Variants in EFR3B observed in about 807,000 individuals in gnomAD.
EFR3B encodes EFR3 homolog B.
In EFR3B, 64 loss-of-function variants were observed where a neutral mutation model predicts 104.7. The observed-to-expected ratio is 0.61, with a 90% CI of 0.50 to 0.75. The LOEUF is 0.75. Among genes scored for constraint, EFR3B ranks in the 30% least tolerant of loss-of-function variants. The probability of loss-of-function intolerance (pLI) is 0.00; values close to 1 mark genes in which losing one functional copy is unlikely to be tolerated. For synonymous variants in EFR3B, 385 were observed against 417.9 expected (o/e 0.92, Z 0.96); for missense variants, 750 against 1,078.5 (o/e 0.70, Z 4.27).
At chr2:25,059,573 G>GGGC (rs1668123690) in intron 1 of EFR3B, among the ~76,000 whole-genome samples, 2 of 54,468 alleles carry the variant, frequency 3.7e-5, no homozygotes, top group African/African-American at 1.5e-4. Flanking sequence ...CAGGGACTGC[G>GGGC]GGGGGGGGGG....
intron 3 of EFR3B, among the ~76,000 whole-genome samples, chr2:25,095,548 T>C (rs996022966): frequency 2.0e-5 from 3 of 151,956 alleles, no homozygotes; most frequent in Admixed American, 1.3e-4. Context: ...ATACAAAAAT[T>C]AGCTGGGTGT....
chr2:25,083,599 G>A (rs1286430313), intron 1 of EFR3B, among the ~76,000 whole-genome samples: 1 of 152,112 alleles, frequency 6.6e-6, no homozygotes, highest in African/African-American at 2.4e-5. Context: ...AGCTGCTTTG[G>A]GACCCAGAAG....
chr2:25,128,443 CATGGCTTTGTGGCT>C, intron 6 of EFR3B, 111 bp downstream of exon 6: 3 of 1,400,486 alleles, frequency 2.1e-6, no homozygotes, highest in Non-Finnish European at 2.9e-6. Flanking sequence ...AGGCCAGGGA[CATGGCTTTGTGGCT>C]TGTTCTGCAG....
chr2:25,118,045 T>C (rs1455833399), intron 4 of EFR3B, among the ~76,000 whole-genome samples: 1 of 152,228 alleles, frequency 6.6e-6, no homozygotes, highest in Admixed American at 6.5e-5. Flanking sequence ...AGTGGTGTGA[T>C]CTTGGCTTAC....
chr2:25,056,158 A>G (rs1668015772), intron 1 of EFR3B, among the ~76,000 whole-genome samples: 1 of 152,228 alleles, frequency 6.6e-6, no homozygotes, highest in Non-Finnish European at 1.5e-5. Flanking sequence ...TTGTCATCTC[A>G]GCGTGTCTTT....
Position 25,135,457 on chromosome 2 carries a change from T to C in EFR3B, c.1312-10T>C. The stretch of plus-strand genomic sequence containing the variant: ...ATTCCTAGGCATAGCTGTCCATACC[T>C]CCCTTGCAGGTATCCACAGGTTTCC... On this transcript the variant is annotated splice_polypyrimidine_tract_variant and intron_variant, in intron 12 of 22. Coordinates refer to ENST00000403714, the MANE Select transcript of EFR3B (RefSeq NM_014971.2). 6.4e-7 allele frequency: 1 copy of C among 1,551,584 alleles called. No individual in the cohort carries two copies. Among genetic ancestry groups the C allele is most frequent in the Non-Finnish European group, 8.7e-7 (1 of 1,146,926 alleles).
rs1451661077 is a variant in EFR3B, at chr2:25,090,856, C to T, written c.8-469C>T. ...GCAGATAGGGAATAACACCTGCCCC[C>T]GAAACCTGTATCCATCTTCCCAGGA... On this transcript the variant is annotated intron_variant, in intron 1 of 22. Transcript: ENST00000403714. 3.9e-5 allele frequency among the ~76,000 whole-genome samples: 6 copies of T among 152,176 alleles called. No individual in the cohort carries two copies. In the East Asian group the frequency reaches 9.6e-4, roughly 24 times the overall value.
At chr2:25,108,977 G>A (rs914695508) in intron 4 of EFR3B, among the ~76,000 whole-genome samples, 6 of 152,046 alleles carry the variant, frequency 3.9e-5, no homozygotes, top group Admixed American at 2.0e-4. Context: ...CTGCACTCCA[G>A]CCTGGATGAC....
At chr2:25,058,029 G>A (rs1281340395) in intron 1 of EFR3B, 10 of 152,136 alleles carry the variant, frequency 6.6e-5, no homozygotes, top group Admixed American at 6.5e-4. Context: ...AAAAAGATAT[G>A]TAGCTGGCAT....
intron 4 of EFR3B, among the ~76,000 whole-genome samples, chr2:25,113,667 CAA>C (rs199750318): frequency 6.0e-5 from 6 of 100,456 alleles, no homozygotes; most frequent in Non-Finnish European, 1.1e-4. Context: ...GACTCTGTCT[CAA>C]AAAAAAAAAA....
chr2:25,096,933 T>A (rs1306453117), intron 3 of EFR3B, among the ~76,000 whole-genome samples: 2 of 152,176 alleles, frequency 1.3e-5, no homozygotes, highest in Non-Finnish European at 2.9e-5. Context: ...TAAAATGAGG[T>A]TACATCCTGA....
intron 1 of EFR3B, among the ~76,000 whole-genome samples, chr2:25,082,992 G>A (rs1264130135): frequency 6.6e-6 from 1 of 152,176 alleles, no homozygotes; most frequent in African/African-American, 2.4e-5. Context: ...GGCAAAATGA[G>A]CCATCGAGGG....
At chr2:25,126,063 A>G (rs1189945227) in intron 5 of EFR3B, among the ~76,000 whole-genome samples, 1 of 152,264 alleles carries the variant, frequency 6.6e-6, no homozygotes, top group East Asian at 1.9e-4. Context: ...TCATAAAATT[A>G]GAACAGATGT....
At chr2:25,065,042 T>C (rs1668294381) in intron 1 of EFR3B, among the ~76,000 whole-genome samples, 1 of 151,856 alleles carries the variant, frequency 6.6e-6, no homozygotes, top group Non-Finnish European at 1.5e-5. Flanking sequence ...CTGCTGGTGT[T>C]AGAAGCAGCC....
At chr2:25,120,938 A>T (rs750974738) in intron 4 of EFR3B, among the ~76,000 whole-genome samples, 1 of 152,068 alleles carries the variant, frequency 6.6e-6, no homozygotes. Flanking sequence ...GTCTCGCTCT[A>T]TCGCCCAGGC....
At chr2:25,122,302 CCAGA>C (rs1342792019) in intron 5 of EFR3B, among the ~76,000 whole-genome samples, 2 of 152,068 alleles carry the variant, frequency 1.3e-5, no homozygotes, top group Non-Finnish European at 2.9e-5. Context: ...ACTGCTTGGG[CCAGA>C]CAAAGGGGCT....
At chr2:25,127,649 A>G (rs1042103528) in intron 5 of EFR3B, among the ~76,000 whole-genome samples, 1 of 152,162 alleles carries the variant, frequency 6.6e-6, no homozygotes, top group Non-Finnish European at 1.5e-5. Flanking sequence ...GGGTTCACAT[A>G]GCAGGGACTG....
At chr2:25,045,052 A>G (rs1045808101) in intron 1 of EFR3B, among the ~76,000 whole-genome samples, 1 of 152,182 alleles carries the variant, frequency 6.6e-6, no homozygotes, top group African/African-American at 2.4e-5. Context: ...TCTACCTTCC[A>G]GGTCTGTTGT....
At chr2:25,094,619 G>A (rs1239412143) in intron 3 of EFR3B, among the ~76,000 whole-genome samples, 4 of 152,068 alleles carry the variant, frequency 2.6e-5, no homozygotes, top group Non-Finnish European at 4.4e-5. Flanking sequence ...ATGGCAAAAC[G>A]GGAAGCATTT....
Sources: allele counts gnomAD v4.1 joint callset (sites outside exome capture counted in the v4.1 genomes callset), GRCh38; gene constraint gnomAD v4.1.1; transcripts MANE v1.5; gene names NCBI Gene and HGNC (gene_info 2026-07-23, HGNC 2026-07-21).